SUDS3: variants seen among roughly 807,000 people sequenced by gnomAD.
SUDS3 encodes the protein sin3 histone deacetylase corepressor complex component SDS3.
A neutral mutation model predicts 53.5 loss-of-function variants in SUDS3; 23 were observed. The ratio of observed to expected loss-of-function variants is 0.43; its 90% CI spans 0.31 to 0.61. SUDS3 has a LOEUF of 0.61. SUDS3 is among the 20% of genes least tolerant of loss of function. SUDS3 has a pLI of 0.10. For synonymous variants in SUDS3, 150 were observed against 148.5 expected (o/e 1.01, Z -0.08); for missense variants, 291 against 405.9 (o/e 0.72, Z 2.43).
chr12:118,400,746 C>T lies in SUDS3; in HGVS notation c.605C>T (p.Pro202Leu). ...CCCATCCCAGACAAGAGGAGGAAAC[C>T]TGCTCCAGATATCCATTTACATCAA... ...PVPIPDKRRK[P>L]APAQLNYLLT... The change falls in exon 7 of 12, where the codon CCT becomes CTT. Residue 202 changes from proline (P) to leucine (L), a missense_variant. Pro to Leu is a moderately conservative substitution (Grantham distance 98, BLOSUM62 -3). This residue lies in a region of SUDS3 where 55 missense variants were observed against 124.2 expected (regional missense o/e 0.44). Coordinates refer to ENST00000543473, the MANE Select transcript of SUDS3 (RefSeq NM_022491.3). 1 of 1,613,896 alleles carries T rather than the reference C, an allele frequency of 6.2e-7. No individual in the cohort carries two copies. The highest frequency in any genetic ancestry group is 8.5e-7 in the Non-Finnish European group (1 of 1,179,812).
At chr12:118,402,126 A>T (rs778591977) in intron 9 of SUDS3, 122 bp downstream of exon 9, 9 of 1,134,454 alleles carry the variant, frequency 7.9e-6, no homozygotes, top group Non-Finnish European at 1.2e-5. Flanking sequence ...TTTGCCTAAG[A>T]GTAGTCATCA....
chr12:118,392,678 C>T (rs1414740949), intron 6 of SUDS3, among the ~76,000 whole-genome samples: 1 of 152,190 alleles, frequency 6.6e-6, no homozygotes, highest in Non-Finnish European at 1.5e-5. Context: ...ACCTGCACAC[C>T]ATTTTCTCTG....
rs117079942 is a variant in SUDS3, at chr12:118,383,165, T to C, written c.213-847T>C. Among the ~76,000 whole-genome samples the C allele has an allele frequency of 5.0e-4, 76 of 152,302 alleles. 3 individuals are homozygous for C. In the East Asian group the frequency reaches 0.013, roughly 26 times the overall value. On this transcript the variant is annotated intron_variant, in intron 2 of 11. Transcript: ENST00000543473. ...CCTTATTTGAGCGCTAAAAAGGTTA[T>C]CACGCCCATGTGCTCACTTCAGCAG...
intron 6 of SUDS3, among the ~76,000 whole-genome samples, chr12:118,396,152 T>G (rs193161756): frequency 3.3e-5 from 5 of 152,234 alleles, no homozygotes; most frequent in Admixed American, 3.3e-4. Flanking sequence ...CTGCCCTGGT[T>G]TGGAGGTAAT....
intron 11 of SUDS3, among the ~76,000 whole-genome samples, chr12:118,412,636 T>G (rs544458562): frequency 6.6e-6 from 1 of 152,338 alleles, no homozygotes; most frequent in Non-Finnish European, 1.5e-5. Flanking sequence ...CACCTGGCTG[T>G]CTGGGTTGTT....
rs1160225995 is a variant in SUDS3, at chr12:118,390,931, A to C, written c.361-195A>C. The stretch of plus-strand genomic sequence containing the variant: ...TCTGGGTAGCAAGTGAGGTGTACTC[A>C]AAAATAAGCAAAAGTCACGTGGGTC... On this transcript the variant is annotated intron_variant, in intron 5 of 11. Transcript: ENST00000543473. The C allele has an allele frequency of 4.3e-6, 3 of 694,944 alleles. No homozygotes were observed. The African/African-American group carries it at 5.3e-5, about 12-fold the overall frequency. The allele number at this position is 694,944 out of a possible 1,614,324, so 43.0% of individuals were successfully genotyped here.
chr12:118,376,720 C>G lies in SUDS3; in HGVS notation c.29C>G (p.Ala10Gly). The G allele has an allele frequency of 6.6e-7, 1 of 1,522,516 alleles. No individual in the cohort carries two copies. Among genetic ancestry groups the G allele is most frequent in the East Asian group, 2.6e-5 (1 of 38,892 alleles). The allele number at this position is 1,522,516 out of a possible 1,614,324, so 94.3% of individuals were successfully genotyped here. The change falls in exon 1 of 12, where the codon GCC becomes GGC. Residue 10 changes from alanine to glycine, a missense_variant. By Grantham distance (60) the Ala-to-Gly change is moderately conservative. Coordinates refer to ENST00000543473, the MANE Select transcript of SUDS3 (RefSeq NM_022491.3). ...AGTGCCGCGGGGCTGCTGGCCCCGG[C>G]CCCGGCCCAGGCTGGAGCGCCGCCG... is the stretch of plus-strand genomic sequence containing the variant. MSAAGLLAP[A>G]PAQAGAPPAP...
At chr12:118,409,988 A>G (rs1404748032) in intron 10 of SUDS3, among the ~76,000 whole-genome samples, 1 of 152,220 alleles carries the variant, frequency 6.6e-6, no homozygotes, top group African/African-American at 2.4e-5. Context: ...TGTCTTATCT[A>G]CTGTATTCAA....
intron 10 of SUDS3, chr12:118,404,604 T>G (rs1440918208): frequency 6.6e-6 from 1 of 152,266 alleles, no homozygotes; most frequent in Non-Finnish European, 1.5e-5. Flanking sequence ...TCAGGTCTTT[T>G]CATTCTGATA....
At chr12:118,378,464 T>C (rs1004833512) in intron 1 of SUDS3, among the ~76,000 whole-genome samples, 16 of 152,054 alleles carry the variant, frequency 1.1e-4, no homozygotes, top group African/African-American at 1.7e-4. Flanking sequence ...TTACATTTTA[T>C]TGGATATTGT....
chr12:118,390,413 G>T (rs571775277), intron 5 of SUDS3, among the ~76,000 whole-genome samples: 8 of 152,322 alleles, frequency 5.3e-5, no homozygotes, highest in African/African-American at 1.7e-4. Flanking sequence ...AGAGATGAGG[G>T]CCTGAATCTT....
intron 2 of SUDS3, among the ~76,000 whole-genome samples, chr12:118,381,755 C>T (rs983611168): frequency 2.0e-5 from 3 of 149,052 alleles, no homozygotes; most frequent in Non-Finnish European, 4.5e-5. Context: ...TTCTCATTGT[C>T]TTCAGACAGA....
intron 11 of SUDS3, 34 bp from the exon 12 acceptor site, chr12:118,414,301 C>T (rs958446633): frequency 2.2e-5 from 33 of 1,507,582 alleles, no homozygotes; most frequent in Non-Finnish European, 2.8e-5. Flanking sequence ...CTGTATTTAA[C>T]TTTTCATCTT....
At chr12:118,397,312 C>G (rs2046225023) in intron 6 of SUDS3, among the ~76,000 whole-genome samples, 1 of 152,068 alleles carries the variant, frequency 6.6e-6, no homozygotes. Flanking sequence ...TCTTGGGACT[C>G]TTAGAGTCCC....
In SUDS3 at chr12:118,407,701, T is replaced by G. The variant is rs2046319970; in HGVS notation, c.804-3372T>G. Among the ~76,000 whole-genome samples, 3 of 151,586 alleles carry G rather than the reference T, an allele frequency of 2.0e-5. No individual in the cohort carries two copies. In the South Asian group the frequency reaches 6.2e-4, roughly 32 times the overall value. ...ATGATACATGGATACACATGTAACA[T>G]GTATATGTGTTATTTTTGGTTTTTT... On this transcript the variant is annotated intron_variant, in intron 10 of 11. Coordinates refer to ENST00000543473, the MANE Select transcript of SUDS3 (RefSeq NM_022491.3).
chr12:118,381,345 T>G (rs982138707), intron 2 of SUDS3, among the ~76,000 whole-genome samples: 1 of 151,240 alleles, frequency 6.6e-6, no homozygotes, highest in African/African-American at 2.4e-5. Context: ...GCTGGGATTA[T>G]AGACATGCAC....
intron 8 of SUDS3, 76 bp downstream of exon 8, chr12:118,401,896 C>T: frequency 1.3e-6 from 2 of 1,599,552 alleles, no homozygotes; most frequent in Non-Finnish European, 8.6e-7. Context: ...TAACATGTTA[C>T]TTGTTAATCA....
At chr12:118,413,791 A>G (rs897119447) in intron 11 of SUDS3, among the ~76,000 whole-genome samples, 3 of 152,316 alleles carry the variant, frequency 2.0e-5, no homozygotes, top group African/African-American at 7.2e-5. Flanking sequence ...AAGTGCTTCA[A>G]CCTTCTCATG....
chr12:118,403,870 T>A (rs117525240), intron 10 of SUDS3, among the ~76,000 whole-genome samples: 2,084 of 152,248 alleles, frequency 0.014, 77 homozygotes, highest in Admixed American at 0.08. Context: ...GGTTAATAGG[T>A]GCTCTTCGGA....
Sources: gnomAD v4.1 joint callset for allele counts (sites outside exome capture counted in the v4.1 genomes callset) on GRCh38, gnomAD v4.1.1 for gene constraint, gnomAD v4.1.1 regional missense constraint, MANE v1.5 for transcripts, NCBI Gene and HGNC (gene_info 2026-07-23, HGNC 2026-07-21) for gene names.